The following PPP1R37 variants were observed in gnomAD, a reference collection of about 807,000 sequenced individuals.
PPP1R37 encodes protein phosphatase 1 regulatory subunit 37, also known as leucine rich repeat containing 68.
Under a neutral mutation model 61.0 loss-of-function variants are expected in PPP1R37, and 21 were observed. That is an observed-to-expected ratio of 0.34 (90% CI 0.24 to 0.50). The LOEUF (loss-of-function observed/expected upper bound fraction) is 0.50, where lower values mean the gene tolerates loss of function less well. Among genes scored for constraint, PPP1R37 ranks in the 20% least tolerant of loss-of-function variants. The pLI is 0.98. For missense variants in PPP1R37, 910 were observed against 952.7 expected (o/e 0.96, Z 0.59); for synonymous variants, 443 against 433.5 (o/e 1.02, Z -0.27).
rs1385765245 is a variant in PPP1R37, at chr19:45,140,592, A to G, written c.433A>G (p.Asn145Asp). ...CAAGGTCGTGGACCTGGAGCAGACAAACCTGGATGAAGATGTGAGCGGCCC... is the reference window on the plus strand; with the variant it reads ...CAAGGTCGTGGACCTGGAGCAGACAGACCTGGATGAAGATGTGAGCGGCCC... ...QFKVVDLEQT[N>D]LDEDGASALF... is the part of the protein sequence containing the mutation. Residue 145 changes from asparagine to aspartate, a missense_variant, in exon 4 of 13, where the codon AAC becomes GAC. Physicochemically the swap from Asn to Asp is conservative, Grantham distance 23. Coordinates refer to ENST00000221462, the MANE Select transcript of PPP1R37 (RefSeq NM_019121.2). 6.5e-7 allele frequency: 1 copy of G among 1,535,806 alleles called. No individual in the cohort carries two copies. The highest frequency in any genetic ancestry group is 2.4e-5 in the East Asian group (1 of 40,918).
chr19:45,146,631 T>C lies in PPP1R37; in HGVS notation c.*69T>C, dbSNP rs967117808. The C allele has an allele frequency of 4.3e-5, 26 of 604,084 alleles. No homozygotes were observed. The highest frequency in any genetic ancestry group is 9.0e-5 in the Admixed American group (3 of 33,370). 37.4% of individuals were successfully genotyped at this position (604,084 alleles called of 1,614,324 possible). A position where few individuals can be genotyped will look rare whatever the true frequency, so the allele number is the denominator to read the frequency against. On this transcript the variant is annotated 3_prime_UTR_variant, in exon 13 of 13. Coordinates refer to ENST00000221462, the MANE Select transcript of PPP1R37 (RefSeq NM_019121.2). ...CCAGAGCCATGAGAATCTGCTCACC[T>C]TCCCCCCAGCCTTCCTGAGGCCCAG...
chr19:45,139,312 C>G (rs1233252681), intron 2 of PPP1R37, among the ~76,000 whole-genome samples: 1 of 152,274 alleles, frequency 6.6e-6, no homozygotes, highest in Non-Finnish European at 1.5e-5. Context: ...CACCTCTTAT[C>G]TCTTGCCCCA....
intron 5 of PPP1R37, among the ~76,000 whole-genome samples, chr19:45,141,648 G>A (rs1968613494): frequency 2.0e-5 from 3 of 152,198 alleles, no homozygotes; most frequent in Admixed American, 1.3e-4. Flanking sequence ...CTCCTTGCGA[G>A]GCATTTCATG....
chr19:45,122,560 G>A (rs1355228610), intron 1 of PPP1R37, among the ~76,000 whole-genome samples: 2 of 152,196 alleles, frequency 1.3e-5, no homozygotes, highest in Admixed American at 1.3e-4. Flanking sequence ...CCTAGAGAAG[G>A]AAGCAGGGAT....
At chr19:45,110,708 G>A (rs897890296) in intron 1 of PPP1R37, among the ~76,000 whole-genome samples, 1 of 152,192 alleles carries the variant, frequency 6.6e-6, no homozygotes, top group African/African-American at 2.4e-5. Context: ...GACCTCTGAG[G>A]GTTGGTGGCA....
intron 1 of PPP1R37, among the ~76,000 whole-genome samples, chr19:45,131,625 C>T (rs546345813): frequency 2.0e-5 from 3 of 152,344 alleles, no homozygotes; most frequent in Non-Finnish European, 4.4e-5. Flanking sequence ...AGGCGGCTCA[C>T]GCCTGTAATT....
chr19:45,107,870 G>A (rs764435838), intron 1 of PPP1R37, among the ~76,000 whole-genome samples: 2 of 152,148 alleles, frequency 1.3e-5, no homozygotes, highest in Non-Finnish European at 2.9e-5. Context: ...TTTTTAGAAA[G>A]CATGATTTAA....
At chr19:45,112,764 A>G (rs1026076820) in intron 1 of PPP1R37, among the ~76,000 whole-genome samples, 44 of 152,168 alleles carry the variant, frequency 2.9e-4, no homozygotes, top group African/African-American at 1.0e-3. Context: ...AGAGACCAGG[A>G]TTAGGGTTGT....
chr19:45,122,011 G>A (rs1968348094), intron 1 of PPP1R37, among the ~76,000 whole-genome samples: 1 of 152,156 alleles, frequency 6.6e-6, no homozygotes, highest in Non-Finnish European at 1.5e-5. Context: ...GAGGTAGCGA[G>A]GCCTTGGGGG....
intron 1 of PPP1R37, among the ~76,000 whole-genome samples, chr19:45,104,895 G>T (rs74657409): frequency 0.013 from 1,927 of 152,284 alleles, 47 homozygotes; most frequent in African/African-American, 0.044. Context: ...CACACAGGTG[G>T]CTCTCACTAA....
rs139409492 is a variant in PPP1R37, at chr19:45,138,471, C to T, written c.203-43C>T. On this transcript the variant is annotated intron_variant, in intron 1 of 12. Transcript: ENST00000221462. The stretch of plus-strand genomic sequence containing the variant: ...AGTGGGTGGAGCCCCATGAAGGACT[C>T]GGGGTGTGGACAGTCACAGGCCTGG... The T allele has an allele frequency of 6.0e-4, 842 of 1,412,526 alleles. 6 individuals are homozygous for T. In the East Asian group the frequency reaches 0.014, roughly 24 times the overall value. The allele number at this position is 1,412,526 out of a possible 1,614,324, so 87.5% of individuals were successfully genotyped here.
intron 1 of PPP1R37, among the ~76,000 whole-genome samples, chr19:45,098,834 A>G (rs1448844320): frequency 6.6e-6 from 1 of 152,086 alleles, no homozygotes; most frequent in Non-Finnish European, 1.5e-5. Context: ...GCTGGGGAGT[A>G]GGGAACAGGG....
intron 1 of PPP1R37, among the ~76,000 whole-genome samples, chr19:45,098,421 A>G (rs926613347): frequency 2.9e-4 from 44 of 152,210 alleles, no homozygotes; most frequent in African/African-American, 1.0e-3. Flanking sequence ...ATGAGAGCAC[A>G]TGACACCAGC....
intron 7 of PPP1R37, 73 bp from the exon 8 acceptor site, chr19:45,143,448 C>T: frequency 1.1e-6 from 1 of 871,550 alleles, no homozygotes; most frequent in South Asian, 1.5e-5. Flanking sequence ...GAGGGGGTTG[C>T]TCCTACCCTG....
At chr19:45,128,086 A>T (rs966636076) in intron 1 of PPP1R37, among the ~76,000 whole-genome samples, 1 of 152,314 alleles carries the variant, frequency 6.6e-6, no homozygotes, top group Admixed American at 6.5e-5. Context: ...TATGTATAAT[A>T]ATTATGTATT....
At chr19:45,097,437 G>C (rs1437600949) in intron 1 of PPP1R37, among the ~76,000 whole-genome samples, 1 of 151,914 alleles carries the variant, frequency 6.6e-6, no homozygotes, top group Non-Finnish European at 1.5e-5. Context: ...AGCACTGGGG[G>C]CACCCCAGTG....
chr19:45,121,577 C>T lies in PPP1R37; in HGVS notation c.203-16937C>T, dbSNP rs1309584272. On this transcript the variant is annotated intron_variant, in intron 1 of 12. Coordinates refer to ENST00000221462, the MANE Select transcript of PPP1R37 (RefSeq NM_019121.2). The surrounding 1 kb of genome is among the most constrained non-coding windows in gnomAD (Gnocchi z 4.2). ...TTCTACCCAGGAAACCTGACCAGTG[C>T]CACGCAGTGAATATACAGGGTCCTC... Among the ~76,000 whole-genome samples, 1 of 152,218 alleles carries T rather than the reference C, an allele frequency of 6.6e-6. No individual in the cohort carries two copies. The highest frequency in any genetic ancestry group is 1.5e-5 in the Non-Finnish European group (1 of 68,026).
In PPP1R37 at chr19:45,145,435, A is replaced by G; in HGVS notation, c.1379A>G (p.Glu460Gly). ...AAGCGCAACTTGGTGCTGGCGCGGG[A>G]GAGGGAGGAGAAGGAGCAGCCGCCA... Reference protein sequence around the residue: ...GCKRNLVLAREREEKEQPPQL... With the variant: ...GCKRNLVLARGREEKEQPPQL... Residue 460 changes from glutamate (E) to glycine (G), a missense_variant, in exon 11 of 13, where the codon GAG becomes GGG. Around this residue, in one of 3 missense-constraint regions of PPP1R37, gnomAD observed 549 missense variants for 505.1 expected, o/e 1.09. Coordinates refer to ENST00000221462, the MANE Select transcript of PPP1R37 (RefSeq NM_019121.2). 2.0e-6 allele frequency: 3 copies of G among 1,535,180 alleles called. No homozygotes were observed. The highest frequency in any genetic ancestry group is 2.6e-6 in the Non-Finnish European group (3 of 1,146,602).
intron 1 of PPP1R37, among the ~76,000 whole-genome samples, chr19:45,106,830 T>G (rs937845346): frequency 7.3e-6 from 1 of 137,366 alleles, no homozygotes; most frequent in Admixed American, 7.1e-5. Context: ...TTTTTTTTTT[T>G]TTTTGAGATG....
Sources: allele counts gnomAD v4.1 joint callset (sites outside exome capture counted in the v4.1 genomes callset), GRCh38; gene constraint gnomAD v4.1.1; regional missense constraint gnomAD v4.1.1; non-coding constraint Gnocchi (gnomAD v3.1); transcripts MANE v1.5; gene names NCBI Gene and HGNC (gene_info 2026-07-23, HGNC 2026-07-21).